Variants in ABCC1 observed in about 807,000 individuals in gnomAD.
ABCC1 encodes the protein multidrug resistance-associated protein 1.
ABCC1 carries 83 observed loss-of-function variants against 172.9 expected under a neutral mutation model. That is an observed-to-expected ratio of 0.48 (90% CI 0.40 to 0.58). The LOEUF is 0.58. ABCC1 is among the 20% of genes least tolerant of loss of function. The probability of loss-of-function intolerance (pLI) is 0.00; values close to 1 mark genes in which losing one functional copy is unlikely to be tolerated. For synonymous variants in ABCC1, 937 were observed against 825.2 expected, an observed-to-expected ratio of 1.14 and a Z score of -2.32; for missense variants, 1,817 against 2,002.7, an observed-to-expected ratio of 0.91 and a Z score of 1.77.
In ABCC1 at chr16:16,016,486, C is replaced by T; in HGVS notation, c.490-10C>T. The T allele has an allele frequency of 1.2e-6, 2 of 1,613,908 alleles. No individual in the cohort carries two copies. Among genetic ancestry groups the T allele is most frequent in the Non-Finnish European group, 1.7e-6 (2 of 1,179,950 alleles). On this transcript the variant is annotated splice_polypyrimidine_tract_variant and intron_variant, in intron 4 of 30. Transcript: ENST00000399410. ...GTGATCTTTTTCTTCCTTCCTTCCC[C>T]ACCATGTAGGATGCCCAGGTGGACC...
intron 22 of ABCC1, 94 bp downstream of exon 22, chr16:16,111,676 G>A (rs913926349): frequency 1.5e-5 from 19 of 1,232,946 alleles, no homozygotes; most frequent in Admixed American, 9.1e-5. Flanking sequence ...TCAGCGTTTT[G>A]TGGGACCCCA....
intron 6 of ABCC1, 38 bp from the exon 7 acceptor site, chr16:16,036,434 G>T: frequency 1.3e-6 from 2 of 1,589,118 alleles, no homozygotes; most frequent in South Asian, 2.3e-5. Context: ...TCCTGTCATT[G>T]ACTCTCATTG....
In ABCC1 at chr16:16,045,997, G is replaced by C; in HGVS notation, c.1202G>C (p.Gly401Ala). 6.2e-7 allele frequency: 1 copy of C among 1,614,098 alleles called. No homozygotes were observed. Among genetic ancestry groups the C allele is most frequent in the South Asian group, 1.1e-5 (1 of 91,072 alleles). Reference sequence around the variant, plus strand: ...ATGAGGATCAAGACCGCTGTCATTGGGGCTGTCTATCGGAAGGTAGGGGAC... The same window carrying C: ...ATGAGGATCAAGACCGCTGTCATTGCGGCTGTCTATCGGAAGGTAGGGGAC... ...SGMRIKTAVIGAVYRKALVIT... is the reference protein window; with the variant it reads ...SGMRIKTAVIAAVYRKALVIT... Residue 401 changes from glycine (G) to alanine (A), a missense_variant, in exon 9 of 31, where the codon GGG becomes GCG. By Grantham distance (60) the Gly-to-Ala change is moderately conservative. Transcript: ENST00000399410.
rs148591472 is a variant in ABCC1, at chr16:16,142,932, A to T, written c.*1651A>T. The T allele has an allele frequency of 6.6e-6, 1 of 152,542 alleles. No homozygotes were observed. Among genetic ancestry groups the T allele is most frequent in the Non-Finnish European group, 1.5e-5 (1 of 68,022 alleles). 9.4% of individuals were successfully genotyped at this position (152,542 alleles called of 1,614,324 possible). A position where few individuals can be genotyped will look rare whatever the true frequency, so the allele number is the denominator to read the frequency against. On this transcript the variant is annotated 3_prime_UTR_variant, in exon 31 of 31. Transcript: ENST00000399410. ...CTTTCTTTTAGGCGAAAACGCATAT[A>T]TTTATTTTTTGTAAGTTATACCATT...
chr16:16,121,948 A>G (rs1281158191), intron 23 of ABCC1, 27 bp from the exon 24 acceptor site: 1 of 1,612,010 alleles, frequency 6.2e-7, no homozygotes, highest in African/African-American at 1.3e-5. Flanking sequence ...ACCTTCATCA[A>G]CTCCCCGCGT....
chr16:16,126,015 C>A, intron 26 of ABCC1, 104 bp downstream of exon 26: 1 of 732,630 alleles, frequency 1.4e-6, no homozygotes, highest in Non-Finnish European at 2.2e-6. Flanking sequence ...AGCTGGATAC[C>A]TCACCAGGTA....
rs185289222 is a variant in ABCC1, at chr16:16,059,928, G to A, written c.1677+3633G>A. On this transcript the variant is annotated intron_variant, in intron 12 of 30. Coordinates refer to ENST00000399410, the MANE Select transcript of ABCC1 (RefSeq NM_004996.4). ...CGGGAATCGTTTGAACCCGGGAGGC[G>A]GAGATCGCAGCGAGCTGAGGTCACG... is the stretch of plus-strand genomic sequence containing the variant. Among the ~76,000 whole-genome samples the A allele has an allele frequency of 1.3e-3, 193 of 151,994 alleles. 2 individuals carry two copies. In the South Asian group the frequency reaches 0.025, roughly 19 times the overall value.
chr16:16,064,805 A>G (rs181508849), intron 12 of ABCC1, among the ~76,000 whole-genome samples: 2 of 152,356 alleles, frequency 1.3e-5, no homozygotes, highest in East Asian at 3.9e-4. Context: ...AGCAGTGCAT[A>G]CTACAGGTAA....
intron 11 of ABCC1, among the ~76,000 whole-genome samples, chr16:16,054,768 T>C (rs35593): frequency 0.24 from 35,819 of 152,048 alleles, 5,737 homozygotes; most frequent in African/African-American, 0.46. Context: ...TAGCACTAAA[T>C]GATAAGAGTT....
intron 1 of ABCC1, among the ~76,000 whole-genome samples, chr16:15,980,406 T>G (rs2046595196): frequency 2.0e-5 from 3 of 152,130 alleles, no homozygotes; most frequent in Admixed American, 2.0e-4. Flanking sequence ...GGAAAGAGGT[T>G]TAATTGACTC....
chr16:16,105,714 CTTTTT>C (rs71137912), intron 20 of ABCC1, among the ~76,000 whole-genome samples: 2 of 130,392 alleles, frequency 1.5e-5, no homozygotes, highest in Non-Finnish European at 1.6e-5. Context: ...CTTTTCTTTT[CTTTTT>C]TTTTTTTTTT....
chr16:16,031,703 C>T (rs1250566532), intron 5 of ABCC1, among the ~76,000 whole-genome samples: 1 of 152,158 alleles, frequency 6.6e-6, no homozygotes, highest in Non-Finnish European at 1.5e-5. Flanking sequence ...TCTACTCACC[C>T]TTCAGGTGCC....
At chr16:16,000,651 G>A (rs2047275183) in intron 1 of ABCC1, among the ~76,000 whole-genome samples, 1 of 151,844 alleles carries the variant, frequency 6.6e-6, no homozygotes, top group African/African-American at 2.4e-5. Flanking sequence ...TAAAAAAGAG[G>A]GTATCATTAT....
chr16:16,137,905 C>T (rs2045977112), intron 29 of ABCC1, among the ~76,000 whole-genome samples: 1 of 151,714 alleles, frequency 6.6e-6, no homozygotes, highest in Non-Finnish European at 1.5e-5. Flanking sequence ...CACTCTGTTG[C>T]CTAGGCTGGA....
In ABCC1 at chr16:16,116,802, C is replaced by T. The variant is rs570242748; in HGVS notation, c.3390+1726C>T. Among the ~76,000 whole-genome samples, 61 of 152,250 alleles carry T rather than the reference C, an allele frequency of 4.0e-4. No individual in the cohort carries two copies. The South Asian group carries it at 0.011, about 27-fold the overall frequency. ...CTCAAACTCCTGACGTCAAGTGATC[C>T]GCCCGCCTCAGCCTGCCAAAGTGCT... On this transcript the variant is annotated intron_variant, in intron 23 of 30. Transcript: ENST00000399410.
At chr16:15,972,509 T>C (rs1829118827) in intron 1 of ABCC1, among the ~76,000 whole-genome samples, 1 of 152,074 alleles carries the variant, frequency 6.6e-6, no homozygotes, top group Non-Finnish European at 1.5e-5. Flanking sequence ...CCCTAGGCAA[T>C]ATATCTGGGT....
chr16:16,098,264 CA>C (rs1567400793), intron 19 of ABCC1: 2 of 157,358 alleles, frequency 1.3e-5, no homozygotes, highest in African/African-American at 4.8e-5. Context: ...TGCGTAAAAA[CA>C]AGCCTGAAGA....
At chr16:15,999,011 A>AT (rs2047152319) in intron 1 of ABCC1, among the ~76,000 whole-genome samples, 2 of 151,866 alleles carry the variant, frequency 1.3e-5, no homozygotes, top group African/African-American at 2.4e-5. Context: ...AAATTTTTAT[A>AT]TTTTTTTGAG....
intron 5 of ABCC1, among the ~76,000 whole-genome samples, chr16:16,023,036 C>T (rs960995349): frequency 3.3e-5 from 5 of 152,152 alleles, no homozygotes; most frequent in African/African-American, 4.8e-5. Context: ...TTCTGCCTCC[C>T]AGGTAGCTTG....
Sources: gnomAD v4.1 joint callset for allele counts (sites outside exome capture counted in the v4.1 genomes callset) on GRCh38, gnomAD v4.1.1 for gene constraint, MANE v1.5 for transcripts, NCBI Gene and HGNC (gene_info 2026-07-23, HGNC 2026-07-21) for gene names.